ERCC1: variants seen among roughly 807,000 people sequenced by gnomAD.
ERCC1 encodes the protein ERCC excision repair 1, endonuclease non-catalytic subunit.
A neutral mutation model predicts 37.6 loss-of-function variants in ERCC1; 36 were observed. That is an observed-to-expected ratio of 0.96 (90% CI 0.73 to 1.26). The LOEUF (loss-of-function observed/expected upper bound fraction) is 1.26. Among genes scored for constraint, ERCC1 ranks in the 50% most tolerant of loss-of-function variants. The probability of loss-of-function intolerance (pLI) is 0.00; values close to 1 mark genes in which losing one functional copy is unlikely to be tolerated. For synonymous variants in ERCC1, 156 were observed against 162.1 expected (o/e 0.96, Z 0.28); for missense variants, 349 against 376.5 (o/e 0.93, Z 0.60).
chr19:45,408,921 T>C lies in ERCC1; in HGVS notation c.*754A>G. The C allele has an allele frequency of 4.3e-6, 7 of 1,613,862 alleles. No homozygotes were observed. Among genetic ancestry groups the C allele is most frequent in the Non-Finnish European group, 5.9e-6 (7 of 1,179,954 alleles). On this transcript the variant is annotated 3_prime_UTR_variant, in exon 10 of 10. Transcript: ENST00000300853. ...CAGCCACAGGTGAAGGTGGAGCCAC[T>C]GGAGGAAGCCATCCCTCTGCCCCCT...
At chr19:45,431,114 G>A (rs778899964) in intron 1 of ERCC1, among the ~76,000 whole-genome samples, 4 of 151,950 alleles carry the variant, frequency 2.6e-5, no homozygotes, top group African/African-American at 4.8e-5. Context: ...CACCATGCCC[G>A]GCTAATTTTT....
In ERCC1 at chr19:45,409,630, G is replaced by A. The variant is rs779688347; in HGVS notation, c.*45C>T. ...AGCCAGCAGGAGCCTGGCCTGGGAG[G>A]ACGATTTATTATTACACTGGGGGTT... On this transcript the variant is annotated 3_prime_UTR_variant, in exon 10 of 10. Transcript: ENST00000300853. 2.0e-6 allele frequency: 3 copies of A among 1,537,156 alleles called. No homozygotes were observed. Among genetic ancestry groups the A allele is most frequent in the East Asian group, 4.5e-5 (2 of 44,438 alleles).
rs549329477 is a variant in ERCC1 at position 45,408,143 on chromosome 19, C to T, written c.*1532G>A. 21 of 1,597,440 alleles carry T rather than the reference C, an allele frequency of 1.3e-5. No homozygotes were observed. Among genetic ancestry groups the T allele is most frequent in the Admixed American group, 6.7e-5 (4 of 59,272 alleles). ...TGTTTCTCTCTGTAGCTTCAATGGG[C>T]GGCATGTGCCTCTCTCTGGCTCCCA... On this transcript the variant is annotated 3_prime_UTR_variant, in exon 10 of 10. Transcript: ENST00000300853.
chr19:45,428,500 G>A (rs1974756045), upstream of ERCC1, among the ~76,000 whole-genome samples: 1 of 152,102 alleles, frequency 6.6e-6, no homozygotes, highest in African/African-American at 2.4e-5. Context: ...CTCCGATTCC[G>A]CCTCTTTCTT....
At chr19:45,426,056 C>G (rs1410851544), upstream of ERCC1, among the ~76,000 whole-genome samples, 1 of 151,762 alleles carries the variant, frequency 6.6e-6, no homozygotes, top group South Asian at 2.1e-4. Flanking sequence ...CCAGCCTGAC[C>G]AACATGGAGA....
intron 5 of ERCC1, among the ~76,000 whole-genome samples, chr19:45,417,892 A>G (rs1027560826): frequency 1.3e-5 from 2 of 151,854 alleles, no homozygotes; most frequent in Admixed American, 1.3e-4. Context: ...GGTCTTCACT[A>G]TGTTGCCCAG....
At chr19:45,423,567 C>T (rs1267469897) in intron 1 of ERCC1, 186 bp from the exon 2 acceptor site, 1 of 1,430,244 alleles carries the variant, frequency 7.0e-7, no homozygotes, top group Middle Eastern at 2.6e-4. Context: ...CGGCTCGCCC[C>T]GCCCCTTACA....
chr19:45,418,181 C>T (rs1471385102), intron 5 of ERCC1, among the ~76,000 whole-genome samples: 1 of 152,016 alleles, frequency 6.6e-6, no homozygotes, highest in Non-Finnish European at 1.5e-5. Flanking sequence ...AACCGCATCT[C>T]TACTAAAAAT....
intron 1 of ERCC1, among the ~76,000 whole-genome samples, chr19:45,442,127 T>C (rs1276953057): frequency 6.6e-6 from 1 of 151,370 alleles, no homozygotes; most frequent in Non-Finnish European, 1.5e-5. Context: ...GCCTCGACAT[T>C]ATAGTGAGAT....
Position 45,408,711 on chromosome 19 carries a change from C to T in ERCC1, c.*964G>A, listed in dbSNP as rs771521721. On this transcript the variant is annotated 3_prime_UTR_variant, in exon 10 of 10. Transcript: ENST00000300853. ...GAGCCTCTGGGAGTGCTGTTCCCGT[C>T]CACCACCAAGAAGAGGAAGAAGCCC... is the stretch of plus-strand genomic sequence containing the variant. The T allele has an allele frequency of 6.2e-7, 1 of 1,613,960 alleles. No individual in the cohort carries two copies. Among genetic ancestry groups the T allele is most frequent in the African/African-American group, 1.3e-5 (1 of 74,992 alleles).
chr19:45,437,044 G>T (rs978690011), intron 1 of ERCC1, among the ~76,000 whole-genome samples: 4 of 152,152 alleles, frequency 2.6e-5, no homozygotes, highest in Non-Finnish European at 4.4e-5. Flanking sequence ...GAGGTCAGGA[G>T]TTCGAGACCA....
chr19:45,444,853 C>G (rs1038136395), intron 1 of ERCC1, among the ~76,000 whole-genome samples: 2 of 152,182 alleles, frequency 1.3e-5, no homozygotes, highest in Non-Finnish European at 2.9e-5. Context: ...CGAGGGACTT[C>G]CCCTCTCTGA....
intron 1 of ERCC1, among the ~76,000 whole-genome samples, chr19:45,437,301 GT>G (rs1975007254): frequency 6.6e-6 from 1 of 151,820 alleles, no homozygotes; most frequent in Non-Finnish European, 1.5e-5. Flanking sequence ...TATATAATAA[GT>G]AAAAATAAAA....
chr19:45,424,388 G>C (rs953937505), upstream of ERCC1: 2 of 152,316 alleles, frequency 1.3e-5, no homozygotes, highest in Admixed American at 6.6e-5. Context: ...GAATGGGCAG[G>C]TCTGGGATGG....
Position 45,408,307 on chromosome 19 carries a change from C to G in ERCC1, c.*1368G>C. The G allele has an allele frequency of 6.2e-7, 1 of 1,612,758 alleles. No individual in the cohort carries two copies. Among genetic ancestry groups the G allele is most frequent in the Non-Finnish European group, 8.5e-7 (1 of 1,179,230 alleles). On this transcript the variant is annotated 3_prime_UTR_variant, in exon 10 of 10. Transcript: ENST00000300853. ...TCACCTGTGCCTCAGCCCCCCAGGG[C>G]ACCCTAAGGATCCTTGAGGGTCCCC...
chr19:45,436,034 G>A (rs1255136480), intron 1 of ERCC1, among the ~76,000 whole-genome samples: 1 of 152,062 alleles, frequency 6.6e-6, no homozygotes, highest in Non-Finnish European at 1.5e-5. Context: ...CCAAAGTGCT[G>A]AGATTACAGA....
At chr19:45,441,054 C>G (rs1975107947) in intron 1 of ERCC1, among the ~76,000 whole-genome samples, 1 of 152,212 alleles carries the variant, frequency 6.6e-6, no homozygotes, top group Admixed American at 6.6e-5. Context: ...CACTAAGATT[C>G]TTTCCTCCCT....
chr19:45,419,128 G>A lies in ERCC1; in HGVS notation c.495C>T (p.Ala165=), dbSNP rs1224223378. 1.3e-6 allele frequency: 2 copies of A among 1,591,408 alleles called. No individual in the cohort carries two copies. ...CCACCTGGACAAGCAGGACCCGCAAGGCGAAGTTCTTCCCCAGGCTCTGCA... is the reference window on the plus strand; with the variant it reads ...CCACCTGGACAAGCAGGACCCGCAAAGCGAAGTTCTTCCCCAGGCTCTGCA... ...GRLQSLGKNF[A]LRVLLVQVDV... is the part of the protein sequence containing the mutation. Residue 165 remains alanine, a synonymous_variant, in exon 5 of 10, where the codon GCC becomes GCT. Coordinates refer to ENST00000300853, the MANE Select transcript of ERCC1 (RefSeq NM_001983.4).
chr19:45,429,850 T>C (rs756273860), intron 1 of ERCC1, among the ~76,000 whole-genome samples: 11 of 152,168 alleles, frequency 7.2e-5, no homozygotes, highest in Admixed American at 1.3e-4. Context: ...AGTGGCATGA[T>C]CACGATTCAC....
Sources: gnomAD v4.1 joint callset for allele counts (sites outside exome capture counted in the v4.1 genomes callset) on GRCh38, gnomAD v4.1.1 for gene constraint, MANE v1.5 for transcripts, NCBI Gene and HGNC (gene_info 2026-07-23, HGNC 2026-07-21) for gene names.